HMOX2: variants seen among roughly 807,000 people sequenced by gnomAD.
HMOX2 encodes heme oxygenase 2.
In HMOX2, 30 loss-of-function variants were observed where a neutral mutation model predicts 33.7. That is an observed-to-expected ratio of 0.89 (90% CI 0.67 to 1.21). The LOEUF is 1.21. Ranked by LOEUF, HMOX2 falls within the 50% of genes most tolerant of loss-of-function variation. The pLI, the probability that HMOX2 is intolerant of heterozygous loss-of-function variation, is 0.00. For synonymous variants in HMOX2, 155 were observed against 155.0 expected (o/e 1.00, Z 0.00); for missense variants, 403 against 399.1 (o/e 1.01, Z -0.08).
intron 1 of HMOX2, among the ~76,000 whole-genome samples, chr16:4,480,636 G>A (rs975974227): frequency 1.3e-5 from 2 of 149,098 alleles, no homozygotes; most frequent in African/African-American, 5.0e-5. Flanking sequence ...GACCGTGCCC[G>A]GCTAAGGGCC....
chr16:4,503,621 T>C (rs958512852), intron 1 of HMOX2, among the ~76,000 whole-genome samples: 2 of 152,234 alleles, frequency 1.3e-5, no homozygotes, highest in African/African-American at 4.8e-5. Context: ...ATGGTAGGCA[T>C]TGTGCTATAT....
intron 3 of HMOX2, among the ~76,000 whole-genome samples, chr16:4,507,380 G>A (rs1043223546): frequency 2.6e-5 from 4 of 151,804 alleles, no homozygotes; most frequent in Admixed American, 6.6e-5. Flanking sequence ...GGGAGGCGGA[G>A]GTTACAGTGA....
At chr16:4,490,676 C>T (rs1375315752) in intron 1 of HMOX2, among the ~76,000 whole-genome samples, 2 of 152,122 alleles carry the variant, frequency 1.3e-5, no homozygotes, top group Admixed American at 6.6e-5. Context: ...GTGGGCAGTG[C>T]CAAGCTGCCT....
At chr16:4,489,403 G>A (rs1296385892) in intron 1 of HMOX2, among the ~76,000 whole-genome samples, 1 of 152,054 alleles carries the variant, frequency 6.6e-6, no homozygotes, top group Non-Finnish European at 1.5e-5. Context: ...ATCCGCCTCA[G>A]CCTCGCGAGT....
At chr16:4,503,602 G>A (rs1375347659) in intron 1 of HMOX2, among the ~76,000 whole-genome samples, 1 of 152,170 alleles carries the variant, frequency 6.6e-6, no homozygotes, top group Non-Finnish European at 1.5e-5. Context: ...TTCATTGAGT[G>A]CTTATCACAT....
intron 1 of HMOX2, chr16:4,495,659 C>A: frequency 6.6e-6 from 1 of 152,314 alleles, no homozygotes; most frequent in Non-Finnish European, 1.5e-5. Context: ...ACTTTCTATC[C>A]ATTGCACTAC....
chr16:4,479,247 A>T (rs2057952586), intron 1 of HMOX2, among the ~76,000 whole-genome samples: 1 of 152,136 alleles, frequency 6.6e-6, no homozygotes, highest in Non-Finnish European at 1.5e-5. Flanking sequence ...GGAAGTTAAT[A>T]CTTGATGAGC....
intron 3 of HMOX2, 71 bp downstream of exon 3, chr16:4,507,083 G>A: frequency 1.0e-6 from 1 of 977,218 alleles, no homozygotes; most frequent in Non-Finnish European, 1.7e-6. Context: ...CATGAGAAAA[G>A]TGCCCCTGGA....
intron 1 of HMOX2, among the ~76,000 whole-genome samples, chr16:4,488,469 A>G (rs1280203214): frequency 6.6e-6 from 1 of 152,098 alleles, no homozygotes; most frequent in Non-Finnish European, 1.5e-5. Flanking sequence ...TTTACAGCAA[A>G]CTGCTGGGAT....
chr16:4,484,544 T>A (rs1284527503), intron 1 of HMOX2, among the ~76,000 whole-genome samples: 2 of 147,626 alleles, frequency 1.4e-5, no homozygotes, highest in Non-Finnish European at 3.0e-5. Context: ...CACTGCAATC[T>A]CCACCTCCCG....
At chr16:4,489,844 T>G (rs546026026) in intron 1 of HMOX2, among the ~76,000 whole-genome samples, 2 of 152,186 alleles carry the variant, frequency 1.3e-5, no homozygotes, top group African/African-American at 4.8e-5. Context: ...ACTCCTGGCC[T>G]CAGTGATCCT....
At chr16:4,494,653 C>G (rs1057386384) in intron 1 of HMOX2, among the ~76,000 whole-genome samples, 3 of 151,672 alleles carry the variant, frequency 2.0e-5, no homozygotes, top group Non-Finnish European at 4.4e-5. Context: ...CTGAGGCAGG[C>G]AGATCGCTTG....
chr16:4,480,981 G>A (rs183440698), intron 1 of HMOX2, among the ~76,000 whole-genome samples: 9 of 151,340 alleles, frequency 5.9e-5, no homozygotes, highest in Non-Finnish European at 2.9e-5. Flanking sequence ...TTTTGCTCAT[G>A]TTTTCATGTC....
chr16:4,502,531 C>T (rs2058583616), intron 1 of HMOX2, among the ~76,000 whole-genome samples: 1 of 151,974 alleles, frequency 6.6e-6, no homozygotes, highest in Non-Finnish European at 1.5e-5. Context: ...TCAGCCTGGT[C>T]CTTTACTTCC....
rs1227017095 is a variant in HMOX2, at chr16:4,481,686, G to C, written c.-42+5199G>C. On this transcript the variant is annotated intron_variant, in intron 1 of 5. Transcript: ENST00000570646. ...TAGATTGAAAGGTACTTGACGTGCA[G>C]AGCAAGATCTTATCTTTCTTTGTAG... is the stretch of plus-strand genomic sequence containing the variant. The C allele has an allele frequency of 2.0e-5, 3 of 152,178 alleles. No homozygotes were observed. In the East Asian group the frequency reaches 5.8e-4, roughly 29 times the overall value. The allele number at this position is 152,178 out of a possible 1,614,324, so 9.4% of individuals were successfully genotyped here. A position where few individuals can be genotyped will look rare whatever the true frequency, so the allele number is the denominator to read the frequency against.
chr16:4,497,780 G>C (rs1342160079), intron 1 of HMOX2, among the ~76,000 whole-genome samples: 1 of 145,078 alleles, frequency 6.9e-6, no homozygotes, highest in South Asian at 2.1e-4. Flanking sequence ...TATTTTTTGA[G>C]ATGGAGGGGG....
upstream of HMOX2, chr16:4,476,019 G>C (rs1047792846): frequency 2.6e-5 from 4 of 152,242 alleles, no homozygotes; most frequent in Non-Finnish European, 4.4e-5. Context: ...ATACAAGACT[G>C]GTAACCGAGG....
Position 4,490,916 on chromosome 16 carries a change from A to ATGTG in HMOX2, c.-42+14442_-42+14445dup, listed in dbSNP as rs149412265. 2.8e-4 allele frequency among the ~76,000 whole-genome samples: 43 copies of ATGTG among 151,030 alleles called. No homozygotes were observed. The East Asian group carries it at 6.2e-3, about 22-fold the overall frequency. ...GCTAGATTGTTTGTGGTGGTGGGGTATGTGTGTGTGTGTGTGCGTGCGTGC... is the reference window on the plus strand; with the variant it reads ...GCTAGATTGTTTGTGGTGGTGGGGTATGTGTGTGTGTGTGTGTGTGCGTGCGTGC... On this transcript the variant is annotated intron_variant, in intron 1 of 5. Transcript: ENST00000570646.
In HMOX2 at chr16:4,507,770, A is replaced by G. The variant is rs751129957; in HGVS notation, c.262A>G (p.Asn88Asp). The G allele has an allele frequency of 6.2e-7, 1 of 1,614,172 alleles. No homozygotes were observed. The highest frequency in any genetic ancestry group is 1.3e-5 in the African/African-American group (1 of 75,022). The change falls in exon 4 of 6, where the codon AAC becomes GAC. Residue 88 changes from asparagine (N) to aspartate (D), a missense_variant. Asn to Asp is a conservative substitution (Grantham distance 23). Coordinates refer to ENST00000570646, the MANE Select transcript of HMOX2 (RefSeq NM_002134.4). ...AGCCCTCGAGGAGGAAATGGAGCGC[A>G]ACAAGGACCATCCAGCCTTTGCCCC... is the stretch of plus-strand genomic sequence containing the variant. The part of the protein sequence containing the change: ...YSALEEEMER[N>D]KDHPAFAPLY...
Sources: allele counts gnomAD v4.1 joint callset (sites outside exome capture counted in the v4.1 genomes callset), GRCh38; gene constraint gnomAD v4.1.1; transcripts MANE v1.5; gene names NCBI Gene and HGNC (gene_info 2026-07-23, HGNC 2026-07-21).